The following CTNNA3 variants were observed in gnomAD, a reference collection of about 807,000 sequenced individuals.
CTNNA3 encodes the protein catenin alpha 3.
Under a neutral mutation model 95.7 loss-of-function variants are expected in CTNNA3, and 76 were observed. That is an observed-to-expected ratio of 0.79 (90% CI 0.66 to 0.96). The LOEUF (loss-of-function observed/expected upper bound fraction) is 0.96, where lower values mean the gene tolerates loss of function less well. Among genes scored for constraint, CTNNA3 ranks in the 40% least tolerant of loss-of-function variants. The probability of loss-of-function intolerance (pLI) is 0.00; values close to 1 mark genes in which losing one functional copy is unlikely to be tolerated. For missense variants in CTNNA3, 1,191 were observed against 1,089.8 expected (o/e 1.09, Z -1.31); for synonymous variants, 431 against 374.4 (o/e 1.15, Z -1.74).
chr10:67,395,695 A>G (rs532705472), intron 5 of CTNNA3, among the ~76,000 whole-genome samples: 4 of 152,330 alleles, frequency 2.6e-5, no homozygotes, highest in African/African-American at 9.6e-5. Flanking sequence ...AGTAGGAAAC[A>G]TTTTCAGATT....
At chr10:67,410,052 C>A (rs1319219759) in intron 5 of CTNNA3, among the ~76,000 whole-genome samples, 1 of 152,130 alleles carries the variant, frequency 6.6e-6, no homozygotes, top group African/African-American at 2.4e-5. Flanking sequence ...AAGACTCATG[C>A]ACACATATGT....
At chr10:66,641,873 G>C (rs1331442054) in intron 9 of CTNNA3, among the ~76,000 whole-genome samples, 1 of 152,028 alleles carries the variant, frequency 6.6e-6, no homozygotes, top group Non-Finnish European at 1.5e-5. Flanking sequence ...CCTTGCTAGG[G>C]ACTCTGTAAA....
At chr10:67,338,588 T>C (rs1842074466) in intron 5 of CTNNA3, among the ~76,000 whole-genome samples, 1 of 152,124 alleles carries the variant, frequency 6.6e-6, no homozygotes, top group Non-Finnish European at 1.5e-5. Context: ...TTGTAGCTAA[T>C]GGCAATCACT....
At chr10:66,248,217 A>G (rs561429476) in intron 13 of CTNNA3, among the ~76,000 whole-genome samples, 6 of 152,178 alleles carry the variant, frequency 3.9e-5, no homozygotes, top group Non-Finnish European at 5.9e-5. Flanking sequence ...TGCATGCTTC[A>G]TAGTAACCTC....
intron 1 of CTNNA3, among the ~76,000 whole-genome samples, chr10:67,726,651 A>ATATTATATTATATATAATATATAATAT (rs1564841393): frequency 1.4e-5 from 1 of 71,618 alleles, no homozygotes; most frequent in African/African-American, 6.1e-5. Context: ...TATATACTAT[A>ATATTATATTATATATAATATATAATAT]ATATATTATA....
chr10:67,598,668 G>C (rs1485276880), intron 3 of CTNNA3, among the ~76,000 whole-genome samples: 1 of 152,080 alleles, frequency 6.6e-6, no homozygotes, highest in East Asian at 1.9e-4. Context: ...TGAAATACTA[G>C]AAACCGTAGT....
intron 4 of CTNNA3, among the ~76,000 whole-genome samples, chr10:67,538,848 G>C (rs1207909707): frequency 2.6e-5 from 4 of 152,076 alleles, no homozygotes; most frequent in African/African-American, 9.7e-5. Flanking sequence ...CACTACTAAT[G>C]ATTTGGTCAA....
intron 7 of CTNNA3, among the ~76,000 whole-genome samples, chr10:67,100,605 A>G (rs1007860465): frequency 1.3e-5 from 2 of 151,440 alleles, no homozygotes; most frequent in Admixed American, 6.6e-5. Flanking sequence ...TCTATTCCTC[A>G]CCGATTTAAA....
intron 13 of CTNNA3, among the ~76,000 whole-genome samples, chr10:66,164,965 A>G (rs2085049541): frequency 6.6e-6 from 1 of 152,170 alleles, no homozygotes; most frequent in African/African-American, 2.4e-5. Context: ...GAAAGAAAGG[A>G]AAAAGGGAAA....
intron 13 of CTNNA3, among the ~76,000 whole-genome samples, chr10:66,116,088 A>G (rs557853339): frequency 1.1e-4 from 16 of 152,340 alleles, no homozygotes; most frequent in Admixed American, 9.2e-4. Flanking sequence ...AGGAAGAATT[A>G]TGCTCTGTAT....
intron 5 of CTNNA3, among the ~76,000 whole-genome samples, chr10:67,390,512 T>A (rs1287338520): frequency 6.6e-6 from 1 of 151,896 alleles, no homozygotes; most frequent in Non-Finnish European, 1.5e-5. Flanking sequence ...CTGAAACTAT[T>A]CCAATCAATA....
At chr10:67,735,028 T>C (rs975557712) in intron 1 of CTNNA3, among the ~76,000 whole-genome samples, 1 of 152,098 alleles carries the variant, frequency 6.6e-6, no homozygotes, top group African/African-American at 2.4e-5. Flanking sequence ...CATGTATCAC[T>C]GTTTCTAAAG....
intron 9 of CTNNA3, among the ~76,000 whole-genome samples, chr10:66,667,621 T>C (rs1846502627): frequency 6.6e-6 from 1 of 152,190 alleles, no homozygotes; most frequent in African/African-American, 2.4e-5. Flanking sequence ...TCTAGTATAC[T>C]TTCTAACAGC....
intron 7 of CTNNA3, among the ~76,000 whole-genome samples, chr10:66,958,057 A>C (rs1190351155): frequency 6.6e-6 from 1 of 151,972 alleles, no homozygotes; most frequent in Non-Finnish European, 1.5e-5. Context: ...GAACACACAA[A>C]CTATGCAATT....
intron 13 of CTNNA3, among the ~76,000 whole-genome samples, chr10:66,197,176 T>C: frequency 6.6e-6 from 1 of 151,702 alleles, no homozygotes; most frequent in East Asian, 1.9e-4. Flanking sequence ...CTCTAGAGTT[T>C]TTTTACATAA....
At chr10:67,416,607 CAAAAAAA>C (rs368513767) in intron 5 of CTNNA3, among the ~76,000 whole-genome samples, 4,459 of 38,276 alleles carry the variant, frequency 0.12, 67 homozygotes, top group South Asian at 0.24. Flanking sequence ...GACTCTGTCT[CAAAAAAA>C]AAAAAAAAAA....
intron 5 of CTNNA3, among the ~76,000 whole-genome samples, chr10:67,252,981 T>C (rs1866168610): frequency 6.6e-6 from 1 of 152,208 alleles, no homozygotes; most frequent in African/African-American, 2.4e-5. Flanking sequence ...GAAGATTCAT[T>C]CTTACCATAG....
In CTNNA3 at chr10:66,456,442, C is replaced by T. The variant is rs75876122; in HGVS notation, c.1531+64175G>A. Reference sequence around the variant, plus strand: ...AACAAATGATGTTGGAAAACCTGAACATTTATATGCAGTTAAAACAACCTG... The same window carrying T: ...AACAAATGATGTTGGAAAACCTGAATATTTATATGCAGTTAAAACAACCTG... On this transcript the variant is annotated intron_variant, in intron 11 of 17. Transcript: ENST00000433211. Among the ~76,000 whole-genome samples the T allele has an allele frequency of 1.4e-4, 22 of 152,208 alleles. No homozygotes were observed. The East Asian group carries it at 4.1e-3, about 28-fold the overall frequency.
intron 15 of CTNNA3, among the ~76,000 whole-genome samples, chr10:66,040,110 A>G (rs1349159128): frequency 6.6e-6 from 1 of 152,214 alleles, no homozygotes; most frequent in East Asian, 1.9e-4. Flanking sequence ...TGTAGCCAAC[A>G]CACTTATTTA....
Sources: allele counts gnomAD v4.1 joint callset (sites outside exome capture counted in the v4.1 genomes callset), GRCh38; gene constraint gnomAD v4.1.1; transcripts MANE v1.5; gene names NCBI Gene and HGNC (gene_info 2026-07-23, HGNC 2026-07-21).